The following MACROH2A2 variants were observed in gnomAD, a reference collection of about 807,000 sequenced individuals.
The protein encoded by MACROH2A2 is macroH2A.2 histone.
In MACROH2A2, 6 loss-of-function variants were observed where a neutral mutation model predicts 37.6. That is an observed-to-expected ratio of 0.16 (90% CI 0.09 to 0.32). The LOEUF is 0.32. Ranked by LOEUF, MACROH2A2 falls within the 10% of genes least tolerant of loss-of-function variation. The pLI is 1.00. For synonymous variants in MACROH2A2, 192 were observed against 202.7 expected (o/e 0.95, Z 0.45); for missense variants, 290 against 485.9 (o/e 0.60, Z 3.79).
chr10:70,103,609 C>T (rs2072318894), intron 7 of MACROH2A2, among the ~76,000 whole-genome samples: 1 of 152,052 alleles, frequency 6.6e-6, no homozygotes, highest in Non-Finnish European at 1.5e-5. Flanking sequence ...AAGCATGAGC[C>T]CTTAAGCTGA....
Position 70,080,426 on chromosome 10 carries a change from G to C in MACROH2A2, c.172+4596G>C, listed in dbSNP as rs75341154. On this transcript the variant is annotated intron_variant, in intron 2 of 8. Coordinates refer to ENST00000373255, the MANE Select transcript of MACROH2A2 (RefSeq NM_018649.3). ...AGGGGCTCAGTTTGGGACCTGTTGAGCTTTGGTGTCTATAAGATGTCCAAG... is the reference window on the plus strand; with the variant it reads ...AGGGGCTCAGTTTGGGACCTGTTGACCTTTGGTGTCTATAAGATGTCCAAG... 5.6e-3 allele frequency among the ~76,000 whole-genome samples: 856 copies of C among 152,246 alleles called. 14 individuals are homozygous for C. The highest frequency in any genetic ancestry group is 0.02 in the African/African-American group (816 of 41,518).
chr10:70,097,090 A>T (rs1468220707), intron 6 of MACROH2A2, among the ~76,000 whole-genome samples: 1 of 152,146 alleles, frequency 6.6e-6, no homozygotes, highest in East Asian at 1.9e-4. Flanking sequence ...TAGAAAGAGC[A>T]CTGGTCTGGG....
intron 2 of MACROH2A2, among the ~76,000 whole-genome samples, chr10:70,080,296 G>A (rs1228998820): frequency 5.3e-5 from 8 of 150,954 alleles, no homozygotes; most frequent in Non-Finnish European, 1.2e-4. Flanking sequence ...AAAAAAAAGA[G>A]TCTTGCCGAG....
Position 70,064,644 on chromosome 10 carries a change from A to T in MACROH2A2, c.-59-10956A>T, listed in dbSNP as rs548792869. 2.9e-4 allele frequency among the ~76,000 whole-genome samples: 44 copies of T among 152,242 alleles called. No homozygotes were observed. In the South Asian group the frequency reaches 9.1e-3, roughly 32 times the overall value. On this transcript the variant is annotated intron_variant, in intron 1 of 8. Transcript: ENST00000373255. ...TTCCTGTGCTATTCTCCTGATAGTG[A>T]ATAAGTCTCACGAGATCTGATGGGT...
At chr10:70,085,103 A>T (rs1216225044) in intron 2 of MACROH2A2, among the ~76,000 whole-genome samples, 1 of 152,208 alleles carries the variant, frequency 6.6e-6, no homozygotes, top group Non-Finnish European at 1.5e-5. Context: ...GATGGACCCC[A>T]TGTGGTGACT....
chr10:70,111,412 A>G (rs996038702), intron 8 of MACROH2A2, 106 bp from the exon 9 acceptor site: 5 of 946,366 alleles, frequency 5.3e-6, no homozygotes, highest in Non-Finnish European at 8.1e-6. Flanking sequence ...TGCATGGACT[A>G]GCCCTGCACA....
intron 6 of MACROH2A2, among the ~76,000 whole-genome samples, chr10:70,097,969 C>T (rs774571976): frequency 6.6e-5 from 10 of 152,150 alleles, no homozygotes; most frequent in South Asian, 4.2e-4. Flanking sequence ...GGCCCGAGTA[C>T]GGTGGCTCAC....
At chr10:70,095,608 A>G in intron 5 of MACROH2A2, 46 bp from the exon 6 acceptor site, 1 of 907,082 alleles carries the variant, frequency 1.1e-6, no homozygotes, top group Non-Finnish European at 1.8e-6. Context: ...ATTTTTCAAC[A>G]GAATTTTATC....
chr10:70,054,427 C>G (rs2072001397), intron 1 of MACROH2A2, among the ~76,000 whole-genome samples: 1 of 152,196 alleles, frequency 6.6e-6, no homozygotes, highest in African/African-American at 2.4e-5. Flanking sequence ...GGGCCCAGTT[C>G]TAAGCCCCAC....
At position 70,095,719 on chromosome 10, in the gene MACROH2A2, A is replaced by T. The variant is rs1207454563; in HGVS notation, c.654A>T (p.Pro218=). The part of the protein sequence containing the change: ...GSMRVEGIVH[P]TTAEIDLKED... ...TGAGAGTGGAGGGCATTGTCCACCC[A>T]ACCACAGCCGAAATTGACCTCAAAG... The change falls in exon 6 of 9, where the codon CCA becomes CCT. Residue 218 remains proline, a synonymous_variant. Transcript: ENST00000373255. 5 of 1,597,308 alleles carry T rather than the reference A, an allele frequency of 3.1e-6. No individual in the cohort carries two copies. In the South Asian group the frequency reaches 5.5e-5, roughly 18 times the overall value.
chr10:70,075,584 C>T lies in MACROH2A2; in HGVS notation c.-59-16C>T. ...GCCAACTACCCTTCCTCAACTCTGTCTTCTTTCCTTTTTAGCATTGTGTTA... is the reference window on the plus strand; with the variant it reads ...GCCAACTACCCTTCCTCAACTCTGTTTTCTTTCCTTTTTAGCATTGTGTTA... On this transcript the variant is annotated splice_polypyrimidine_tract_variant and intron_variant, in intron 1 of 8. Transcript: ENST00000373255. This position sits in a 1 kb window ranked among gnomAD's most constrained non-coding sequence, Gnocchi z 5.0. 1.4e-6 allele frequency: 2 copies of T among 1,446,472 alleles called. No individual in the cohort carries two copies. Among genetic ancestry groups the T allele is most frequent in the Non-Finnish European group, 1.9e-6 (2 of 1,037,342 alleles). 89.6% of individuals were successfully genotyped at this position (1,446,472 alleles called of 1,614,324 possible).
At chr10:70,086,068 C>T (rs947730468) in intron 2 of MACROH2A2, among the ~76,000 whole-genome samples, 1 of 151,826 alleles carries the variant, frequency 6.6e-6, no homozygotes, top group African/African-American at 2.4e-5. Flanking sequence ...ACTATCACAG[C>T]TCACTGCAGC....
At chr10:70,089,994 C>T (rs555227249) in intron 2 of MACROH2A2, 66 bp from the exon 3 acceptor site, 27 of 997,978 alleles carry the variant, frequency 2.7e-5, no homozygotes, top group African/African-American at 4.8e-5. Context: ...AAGGCCATTT[C>T]TAAAGAAAAG....
intron 1 of MACROH2A2, among the ~76,000 whole-genome samples, chr10:70,074,910 A>G (rs564237451): frequency 6.6e-6 from 1 of 152,226 alleles, no homozygotes; most frequent in African/African-American, 2.4e-5. Flanking sequence ...GGGCAAAGTC[A>G]TATAAGCCAA....
At chr10:70,108,922 A>C (rs1258969752) in intron 7 of MACROH2A2, 111 bp from the exon 8 acceptor site, 1 of 930,506 alleles carries the variant, frequency 1.1e-6, no homozygotes, top group East Asian at 2.4e-5. Context: ...TGCCCAGCCA[A>C]CGTCTCTATC....
chr10:70,079,565 G>GCGCGCACACGCACA (rs1386558755), intron 2 of MACROH2A2, among the ~76,000 whole-genome samples: 1 of 126,216 alleles, frequency 7.9e-6, no homozygotes, highest in African/African-American at 3.2e-5. Flanking sequence ...GCGCGCGCGC[G>GCGCGCACACGCACA]CACACACACA....
chr10:70,107,984 T>G lies in MACROH2A2; in HGVS notation c.779-1049T>G, dbSNP rs1361843365. Among the ~76,000 whole-genome samples, 1 of 152,100 alleles carries G rather than the reference T, an allele frequency of 6.6e-6. No homozygotes were observed. Among genetic ancestry groups the G allele is most frequent in the East Asian group, 1.9e-4 (1 of 5,192 alleles). On this transcript the variant is annotated intron_variant, in intron 7 of 8. Coordinates refer to ENST00000373255, the MANE Select transcript of MACROH2A2 (RefSeq NM_018649.3). This position sits in a 1 kb window ranked among gnomAD's most constrained non-coding sequence, Gnocchi z 4.4. ...CTGTAATCCCAGCACTTTGGGTGCC[T>G]GAGGCAAGAGGATCACTTGAGCCCT...
chr10:70,060,746 T>G (rs776254078), intron 1 of MACROH2A2, among the ~76,000 whole-genome samples: 8 of 152,216 alleles, frequency 5.3e-5, no homozygotes, highest in Non-Finnish European at 1.0e-4. Flanking sequence ...CATTACTAAT[T>G]TGGATCTGTT....
At chr10:70,072,656 G>A (rs993885676) in intron 1 of MACROH2A2, among the ~76,000 whole-genome samples, 8 of 152,062 alleles carry the variant, frequency 5.3e-5, no homozygotes, top group African/African-American at 1.7e-4. Flanking sequence ...GTGCTACACC[G>A]TTAGGATGTC....
Sources: allele counts gnomAD v4.1 joint callset (sites outside exome capture counted in the v4.1 genomes callset), GRCh38; gene constraint gnomAD v4.1.1; non-coding constraint Gnocchi (gnomAD v3.1); transcripts MANE v1.5; gene names NCBI Gene and HGNC (gene_info 2026-07-23, HGNC 2026-07-21).